The following KDM4C variants were observed in gnomAD, a reference collection of about 807,000 sequenced individuals.
KDM4C encodes lysine demethylase 4C.
Under a neutral mutation model 129.3 loss-of-function variants are expected in KDM4C, and 81 were observed. The observed-to-expected ratio is 0.63, with a 90% CI of 0.52 to 0.75. KDM4C has a LOEUF of 0.75. Ranked by LOEUF, KDM4C falls within the 30% of genes least tolerant of loss-of-function variation. KDM4C has a pLI of 0.00. For synonymous variants in KDM4C, 573 were observed against 456.1 expected (o/e 1.26, Z -3.26); for missense variants, 1,457 against 1,304.0 (o/e 1.12, Z -1.81).
At chr9:6,880,521 A>G (rs533046973) in intron 6 of KDM4C, among the ~76,000 whole-genome samples, 4 of 152,152 alleles carry the variant, frequency 2.6e-5, no homozygotes, top group African/African-American at 9.6e-5. Flanking sequence ...GCCGACGCCC[A>G]GTTCTTCTGT....
At chr9:6,966,087 A>G (rs1178809662) in intron 8 of KDM4C, among the ~76,000 whole-genome samples, 1 of 152,238 alleles carries the variant, frequency 6.6e-6, no homozygotes, top group Admixed American at 6.5e-5. Flanking sequence ...ATTTAGATGG[A>G]AGTAAGTCTG....
At chr9:6,963,463 C>T (rs535170069) in intron 8 of KDM4C, among the ~76,000 whole-genome samples, 5 of 152,268 alleles carry the variant, frequency 3.3e-5, no homozygotes, top group Non-Finnish European at 5.9e-5. Context: ...CCAGTAGTAT[C>T]GTGCCGCATA....
intron 4 of KDM4C, among the ~76,000 whole-genome samples, chr9:6,823,287 G>T (rs1833339334): frequency 6.6e-6 from 1 of 152,120 alleles, no homozygotes; most frequent in South Asian, 2.1e-4. Flanking sequence ...GTCTTCAGTG[G>T]CCCCTTGGAA....
At chr9:6,931,515 T>TC (rs150107227) in intron 8 of KDM4C, among the ~76,000 whole-genome samples, 2 of 151,920 alleles carry the variant, frequency 1.3e-5, no homozygotes, top group East Asian at 1.9e-4. Flanking sequence ...TATTTTTTTT[T>TC]CATAAGAAAG....
chr9:7,132,851 C>T (rs1387350495), intron 19 of KDM4C, among the ~76,000 whole-genome samples: 1 of 152,216 alleles, frequency 6.6e-6, no homozygotes, highest in African/African-American at 2.4e-5. Flanking sequence ...TCTCACTTAA[C>T]ATTCACCACT....
At chr9:6,876,055 C>T (rs1049959489) in intron 5 of KDM4C, among the ~76,000 whole-genome samples, 6 of 152,084 alleles carry the variant, frequency 3.9e-5, no homozygotes, top group African/African-American at 7.2e-5. Context: ...TTGGATATTC[C>T]GATGGGTTGC....
chr9:7,160,342 A>G (rs1281733174), intron 19 of KDM4C, among the ~76,000 whole-genome samples: 1 of 152,202 alleles, frequency 6.6e-6, no homozygotes, highest in Non-Finnish European at 1.5e-5. Flanking sequence ...TCAACTCGTC[A>G]AAGTCATTCT....
intron 1 of KDM4C, among the ~76,000 whole-genome samples, chr9:6,760,158 C>G (rs2130405203): frequency 6.6e-6 from 1 of 151,906 alleles, no homozygotes; most frequent in East Asian, 1.9e-4. Context: ...CTGTCTGTCT[C>G]AATAGATTTG....
chr9:7,120,107 A>G (rs1479242102), intron 18 of KDM4C, among the ~76,000 whole-genome samples: 1 of 151,784 alleles, frequency 6.6e-6, no homozygotes, highest in Non-Finnish European at 1.5e-5. Flanking sequence ...TGTTCTTGGC[A>G]TTTTGGCTCA....
At chr9:7,091,846 T>G (rs1008161068) in intron 17 of KDM4C, among the ~76,000 whole-genome samples, 2 of 152,128 alleles carry the variant, frequency 1.3e-5, no homozygotes, top group Admixed American at 1.3e-4. Context: ...GGGAACCTGG[T>G]AGAGATTAGA....
intron 2 of KDM4C, among the ~76,000 whole-genome samples, chr9:6,794,584 G>A (rs1827365059): frequency 6.6e-6 from 1 of 152,156 alleles, no homozygotes; most frequent in South Asian, 2.1e-4. Flanking sequence ...TGTTGTGGGG[G>A]CAGAGCACAA....
chr9:7,038,826 ATTC>A (rs1828086518), intron 15 of KDM4C, among the ~76,000 whole-genome samples: 1 of 151,946 alleles, frequency 6.6e-6, no homozygotes, highest in African/African-American at 2.4e-5. Flanking sequence ...GTTAGATCTC[ATTC>A]TTTTCCTTTT....
intron 17 of KDM4C, chr9:7,076,938 A>C (rs1277613215): frequency 6.1e-6 from 6 of 986,206 alleles, no homozygotes; most frequent in Non-Finnish European, 6.0e-6. Flanking sequence ...CAGAAGTTAC[A>C]CCATTTTTCT....
At chr9:6,803,751 G>GAA (rs869296822) in intron 2 of KDM4C, among the ~76,000 whole-genome samples, 1 of 65,118 alleles carries the variant, frequency 1.5e-5, no homozygotes, top group South Asian at 5.2e-4. Flanking sequence ...GTAACAAAAA[G>GAA]AAAAAAAAAA....
At chr9:6,990,363 T>G in intron 11 of KDM4C, 53 bp from the exon 12 acceptor site, 1 of 1,057,586 alleles carries the variant, frequency 9.5e-7, no homozygotes, top group Non-Finnish European at 1.4e-6. Context: ...TTTTTTTTTT[T>G]GTAGTTTGTT....
intron 6 of KDM4C, among the ~76,000 whole-genome samples, chr9:6,881,567 G>T (rs188682004): frequency 6.6e-6 from 1 of 152,228 alleles, no homozygotes; most frequent in African/African-American, 2.4e-5. Flanking sequence ...AAATGAAGCC[G>T]ATGTAAACCT....
At chr9:7,170,406 A>C (rs1453773207) in intron 21 of KDM4C, 2 of 992,902 alleles carry the variant, frequency 2.0e-6, no homozygotes, top group Non-Finnish European at 2.4e-6. Flanking sequence ...AAAAGGGATA[A>C]ACAAAGCCTA....
At chr9:7,104,237 G>A (rs1226958711) in intron 18 of KDM4C, 3 of 197,380 alleles carry the variant, frequency 1.5e-5, no homozygotes, top group Admixed American at 5.1e-5. Flanking sequence ...ATTTCTGCGA[G>A]GGGATCACCA....
chr9:6,997,218 G>A (rs906890323), intron 12 of KDM4C, among the ~76,000 whole-genome samples: 2 of 152,196 alleles, frequency 1.3e-5, no homozygotes, highest in Non-Finnish European at 2.9e-5. Flanking sequence ...TGATTGGTAA[G>A]GGGGAGCCAA....
Sources: allele counts gnomAD v4.1 joint callset (sites outside exome capture counted in the v4.1 genomes callset), GRCh38; gene constraint gnomAD v4.1.1; transcripts MANE v1.5; gene names NCBI Gene and HGNC (gene_info 2026-07-23, HGNC 2026-07-21).